The following CD59 variants were observed in gnomAD, a reference collection of about 807,000 sequenced individuals.
CD59 encodes the protein CD59 glycoprotein.
A neutral mutation model predicts 7.0 loss-of-function variants in CD59; 3 were observed. The observed-to-expected ratio is 0.43, with a 90% CI of 0.19 to 1.10. The LOEUF is 1.10. Ranked by LOEUF, CD59 falls within the 50% of genes least tolerant of loss-of-function variation. The pLI is 0.29. For missense variants in CD59, 143 were observed against 151.0 expected (o/e 0.95, Z 0.28); for synonymous variants, 60 against 62.0 (o/e 0.97, Z 0.15).
At chr11:33,725,051 C>T (rs11032353) in intron 1 of CD59, among the ~76,000 whole-genome samples, 4,038 of 152,192 alleles carry the variant, frequency 0.027, 171 homozygotes, top group African/African-American at 0.091. Flanking sequence ...AAATGCCCTA[C>T]AATGTAGATG....
intron 2 of CD59, among the ~76,000 whole-genome samples, chr11:33,721,182 C>T (rs1401620773): frequency 6.6e-6 from 1 of 152,124 alleles, no homozygotes; most frequent in Non-Finnish European, 1.5e-5. Flanking sequence ...TTACAGTGCA[C>T]CCTGGCTAGA....
chr11:33,731,665 A>T (rs1430585892), intron 1 of CD59, among the ~76,000 whole-genome samples: 2 of 152,220 alleles, frequency 1.3e-5, no homozygotes, highest in Non-Finnish European at 2.9e-5. Flanking sequence ...CAGGGATCAC[A>T]CTAAGAACCA....
At chr11:33,721,204 T>C (rs3181145) in intron 2 of CD59, among the ~76,000 whole-genome samples, 1,813 of 152,192 alleles carry the variant, frequency 0.012, 17 homozygotes, top group African/African-American at 0.018. Flanking sequence ...TCACGGAAGG[T>C]GGGGAAGAAG....
Position 33,704,603 on chromosome 11 carries a change from C to T in CD59, c.*5523G>A, listed in dbSNP as rs12420931. 6.6e-6 allele frequency: 1 copy of T among 152,100 alleles called. No individual in the cohort carries two copies. The highest frequency in any genetic ancestry group is 6.5e-5 in the Admixed American group (1 of 15,274). 9.4% of individuals were successfully genotyped at this position (152,100 alleles called of 1,614,324 possible). On this transcript the variant is annotated 3_prime_UTR_variant, in exon 4 of 4. Transcript: ENST00000642928. ...TAACTCATTTAACTTTTCTAACAAC[C>T]CTAAACCTAGGGTTCTCATTTTCCA...
At chr11:33,720,284 G>A (rs183486342) in intron 2 of CD59, among the ~76,000 whole-genome samples, 2 of 152,362 alleles carry the variant, frequency 1.3e-5, no homozygotes, top group South Asian at 2.1e-4. Flanking sequence ...AAGTGACCGA[G>A]CTGAGCTCAA....
chr11:33,727,290 T>C (rs999109087), intron 1 of CD59, among the ~76,000 whole-genome samples: 1 of 152,164 alleles, frequency 6.6e-6, no homozygotes, highest in African/African-American at 2.4e-5. Flanking sequence ...ACTGGCAAAC[T>C]GAATCCAGCA....
intron 1 of CD59, among the ~76,000 whole-genome samples, chr11:33,735,213 A>T (rs2133580013): frequency 6.6e-6 from 1 of 152,266 alleles, no homozygotes; most frequent in Non-Finnish European, 1.5e-5. Flanking sequence ...AACTTGAACA[A>T]CTGCTCAGGG....
chr11:33,711,396 T>C (rs771788716), intron 3 of CD59: 3 of 701,354 alleles, frequency 4.3e-6, no homozygotes, highest in Non-Finnish European at 7.8e-6. Context: ...AATTAAAATA[T>C]GGACAATGAG....
intron 3 of CD59, among the ~76,000 whole-genome samples, chr11:33,713,638 T>C (rs148013474): frequency 3.0e-4 from 45 of 152,320 alleles, no homozygotes; most frequent in African/African-American, 1.0e-3. Flanking sequence ...TAATTACGCA[T>C]TGGAACTTGA....
At chr11:33,730,420 AT>A (rs1248207980) in intron 1 of CD59, among the ~76,000 whole-genome samples, 1 of 152,232 alleles carries the variant, frequency 6.6e-6, no homozygotes, top group Admixed American at 6.5e-5. Context: ...TCTCAAAAAA[AT>A]AAATTATTAA....
intron 1 of CD59, chr11:33,731,574 G>A (rs934818386): frequency 6.6e-6 from 1 of 152,120 alleles, no homozygotes; most frequent in Non-Finnish European, 1.5e-5. Flanking sequence ...CAGCCCTAGA[G>A]GTTTTAATTC....
In CD59 at chr11:33,709,514, G is replaced by C. The variant is rs1268889604; in HGVS notation, c.*612C>G. 2 of 160,118 alleles carry C rather than the reference G, an allele frequency of 1.2e-5. No individual in the cohort carries two copies. The highest frequency in any genetic ancestry group is 2.8e-5 in the Non-Finnish European group (2 of 72,218). The allele number at this position is 160,118 out of a possible 1,614,324, so 9.9% of individuals were successfully genotyped here. A position where few individuals can be genotyped will look rare whatever the true frequency, so the allele number is the denominator to read the frequency against. On this transcript the variant is annotated 3_prime_UTR_variant, in exon 4 of 4. Transcript: ENST00000642928. ...AAAGCCCATATAAAATTTAAAGACA[G>C]AGGAAAAACTCGATTTTCAGCCACT... is the stretch of plus-strand genomic sequence containing the variant.
chr11:33,725,014 C>T (rs1173797685), intron 1 of CD59, among the ~76,000 whole-genome samples: 1 of 152,078 alleles, frequency 6.6e-6, no homozygotes, highest in African/African-American at 2.4e-5. Context: ...GAAAAAGAAA[C>T]AGCTGATTGT....
At position 33,709,982 on chromosome 11, in the gene CD59, C is replaced by T; in HGVS notation, c.*144G>A. The T allele has an allele frequency of 1.4e-6, 1 of 731,554 alleles. No individual in the cohort carries two copies. The highest frequency in any genetic ancestry group is 1.5e-5 in the South Asian group (1 of 66,330). The allele number at this position is 731,554 out of a possible 1,614,324, so 45.3% of individuals were successfully genotyped here. On this transcript the variant is annotated 3_prime_UTR_variant, in exon 4 of 4. Coordinates refer to ENST00000642928, the MANE Select transcript of CD59 (RefSeq NM_000611.6). ...GTCTTCAAAGTCTCCCAGAGCCCCTCTATCTTAGCCAGGTTGCTCAAGCTA... is the reference window on the plus strand; with the variant it reads ...GTCTTCAAAGTCTCCCAGAGCCCCTTTATCTTAGCCAGGTTGCTCAAGCTA...
rs2231461 is a variant in CD59, at chr11:33,709,999, C to G, written c.*127G>C. On this transcript the variant is annotated 3_prime_UTR_variant, in exon 4 of 4. Transcript: ENST00000642928. The stretch of plus-strand genomic sequence containing the variant: ...GAGCCCCTCTATCTTAGCCAGGTTG[C>G]TCAAGCTAATTTTATTCTTTCCCAA... 25,334 of 812,720 alleles carry G rather than the reference C, an allele frequency of 0.031. 776 individuals are homozygous for G. The highest frequency in any genetic ancestry group is 0.13 in the African/African-American group (7,508 of 59,190). 50.3% of individuals were successfully genotyped at this position (812,720 alleles called of 1,614,324 possible). A position where few individuals can be genotyped will look rare whatever the true frequency, so the allele number is the denominator to read the frequency against.
chr11:33,726,224 T>C (rs915167156), intron 1 of CD59, among the ~76,000 whole-genome samples: 2 of 152,194 alleles, frequency 1.3e-5, no homozygotes, highest in African/African-American at 4.8e-5. Context: ...CAACAGAATA[T>C]ACATTCTTCT....
chr11:33,704,381 G>T lies in CD59; in HGVS notation c.*5745C>A, dbSNP rs146600210. 6.6e-6 allele frequency: 1 copy of T among 152,242 alleles called. No homozygotes were observed. The highest frequency in any genetic ancestry group is 2.4e-5 in the African/African-American group (1 of 41,524). The allele number at this position is 152,242 out of a possible 1,614,324, so 9.4% of individuals were successfully genotyped here. A position where few individuals can be genotyped will look rare whatever the true frequency, so the allele number is the denominator to read the frequency against. On this transcript the variant is annotated 3_prime_UTR_variant, in exon 4 of 4. Coordinates refer to ENST00000642928, the MANE Select transcript of CD59 (RefSeq NM_000611.6). ...GGAGTGTGGCTACAGTTATTATACA[G>T]TTACACATGGATTCCTTGATTCCCC...
chr11:33,717,116 C>CT (rs1418219576), intron 3 of CD59, among the ~76,000 whole-genome samples: 1 of 152,232 alleles, frequency 6.6e-6, no homozygotes, highest in African/African-American at 2.4e-5. Flanking sequence ...GAGTCGGTTA[C>CT]TTAACCATAA....
At chr11:33,717,291 A>C in intron 3 of CD59, 79 bp downstream of exon 3, 1 of 808,186 alleles carries the variant, frequency 1.2e-6, no homozygotes, top group East Asian at 2.6e-5. Context: ...AAGCCTAATG[A>C]GGATTACAGT....
Sources: allele counts gnomAD v4.1 joint callset (sites outside exome capture counted in the v4.1 genomes callset), GRCh38; gene constraint gnomAD v4.1.1; transcripts MANE v1.5; gene names NCBI Gene and HGNC (gene_info 2026-07-23, HGNC 2026-07-21).